RASAL2: variants seen among roughly 807,000 people sequenced by gnomAD.
The protein encoded by RASAL2 is RAS protein activator like 2.
In RASAL2, 58 loss-of-function variants were observed where a neutral mutation model predicts 128.9. The ratio of observed to expected loss-of-function variants is 0.45; its 90% confidence interval spans 0.36 to 0.56. RASAL2 has a LOEUF of 0.56. Ranked by LOEUF, RASAL2 falls within the 20% of genes least tolerant of loss-of-function variation. The probability of loss-of-function intolerance (pLI) is 0.00; values close to 1 mark genes in which losing one functional copy is unlikely to be tolerated. For synonymous variants in RASAL2, 561 were observed against 580.8 expected (o/e 0.97, Z 0.49); for missense variants, 1,360 against 1,601.6 (o/e 0.85, Z 2.57).
At chr1:178,207,150 CAAAA>C (rs11350533) in intron 1 of RASAL2, among the ~76,000 whole-genome samples, 17 of 120,876 alleles carry the variant, frequency 1.4e-4, no homozygotes, top group South Asian at 2.9e-4. Context: ...GACCTTGTCT[CAAAA>C]AAAAAAAAAA....
intron 1 of RASAL2, among the ~76,000 whole-genome samples, chr1:178,188,475 G>A (rs1662385239): frequency 6.6e-6 from 1 of 152,008 alleles, no homozygotes; most frequent in Admixed American, 6.6e-5. Context: ...ATTTTGTCTG[G>A]TTTTCTAGGT....
intron 1 of RASAL2, among the ~76,000 whole-genome samples, chr1:178,143,600 A>G (rs1341645083): frequency 6.6e-6 from 1 of 152,166 alleles, no homozygotes; most frequent in Non-Finnish European, 1.5e-5. Context: ...ATTATACCTA[A>G]AGAACCAAAT....
chr1:178,155,310 T>G (rs985669928), intron 1 of RASAL2, among the ~76,000 whole-genome samples: 2 of 152,162 alleles, frequency 1.3e-5, no homozygotes, highest in Non-Finnish European at 2.9e-5. Flanking sequence ...TCATCAAGTT[T>G]CATGCTCTTT....
intron 3 of RASAL2, among the ~76,000 whole-genome samples, chr1:178,355,998 A>T (rs906687496): frequency 3.3e-5 from 5 of 152,008 alleles, no homozygotes; most frequent in African/African-American, 4.8e-5. Flanking sequence ...GCGAAACCCC[A>T]TCTCTACTGA....
chr1:178,288,004 A>T (rs1022640331), intron 2 of RASAL2, among the ~76,000 whole-genome samples: 16 of 152,230 alleles, frequency 1.1e-4, no homozygotes, highest in African/African-American at 3.1e-4. Flanking sequence ...AATTTAAAAA[A>T]TATATAAGAC....
chr1:178,162,700 G>C (rs1661371262), intron 1 of RASAL2, among the ~76,000 whole-genome samples: 1 of 150,138 alleles, frequency 6.7e-6, no homozygotes, highest in Non-Finnish European at 1.5e-5. Context: ...TGATCCTCCT[G>C]CCTCAGCCTC....
intron 3 of RASAL2, among the ~76,000 whole-genome samples, chr1:178,317,219 T>A (rs925687910): frequency 7.5e-6 from 1 of 132,822 alleles, no homozygotes; most frequent in Non-Finnish European, 1.5e-5. Context: ...GATTTTTGCA[T>A]CAATGTTCAT....
intron 3 of RASAL2, among the ~76,000 whole-genome samples, chr1:178,320,891 A>G (rs1342397438): frequency 6.6e-6 from 1 of 152,234 alleles, no homozygotes; most frequent in African/African-American, 2.4e-5. Context: ...CCAAAATGGC[A>G]CACTTGAGTT....
At chr1:178,394,989 AT>A (rs922618365) in intron 4 of RASAL2, among the ~76,000 whole-genome samples, 8 of 152,210 alleles carry the variant, frequency 5.3e-5, no homozygotes, top group African/African-American at 1.9e-4. Flanking sequence ...CTCAGTTGCT[AT>A]TGGTTTCTGT....
At chr1:178,396,626 A>C (rs549632057) in intron 4 of RASAL2, among the ~76,000 whole-genome samples, 1 of 152,182 alleles carries the variant, frequency 6.6e-6, no homozygotes, top group Non-Finnish European at 1.5e-5. Flanking sequence ...GGTAAACAAT[A>C]ATACCCTTGG....
intron 3 of RASAL2, among the ~76,000 whole-genome samples, chr1:178,323,986 A>G (rs563479864): frequency 2.6e-5 from 4 of 152,334 alleles, no homozygotes; most frequent in African/African-American, 9.6e-5. Context: ...GGATACCTTT[A>G]CCAGTGACTG....
intron 1 of RASAL2, among the ~76,000 whole-genome samples, chr1:178,155,263 A>G (rs561833208): frequency 6.6e-6 from 1 of 152,280 alleles, no homozygotes; most frequent in South Asian, 2.1e-4. Flanking sequence ...TCTTGGACAT[A>G]CATATCATTC....
At chr1:178,309,254 A>G (rs1571829965) in intron 3 of RASAL2, among the ~76,000 whole-genome samples, 1 of 152,118 alleles carries the variant, frequency 6.6e-6, no homozygotes, top group South Asian at 2.1e-4. Flanking sequence ...AAATTTCCTT[A>G]AAATGTCATG....
chr1:178,393,307 C>G (rs1673021562), intron 4 of RASAL2, among the ~76,000 whole-genome samples: 2 of 151,926 alleles, frequency 1.3e-5, no homozygotes, highest in South Asian at 2.1e-4. Flanking sequence ...CACTGGGAAC[C>G]CTGAGTTTGT....
intron 5 of RASAL2, among the ~76,000 whole-genome samples, chr1:178,424,749 C>T (rs1572050419): frequency 6.6e-6 from 1 of 152,248 alleles, no homozygotes; most frequent in East Asian, 1.9e-4. Flanking sequence ...GTGTGAGCCA[C>T]CATGCACAGC....
At chr1:178,371,926 A>C (rs1671739985) in intron 3 of RASAL2, among the ~76,000 whole-genome samples, 1 of 151,976 alleles carries the variant, frequency 6.6e-6, no homozygotes, top group African/African-American at 2.4e-5. Flanking sequence ...AACACACTTC[A>C]TTATTCAGTG....
chr1:178,119,074 G>A (rs987715567), intron 1 of RASAL2, among the ~76,000 whole-genome samples: 2 of 152,102 alleles, frequency 1.3e-5, no homozygotes, highest in East Asian at 3.9e-4. Flanking sequence ...CACCATGTTG[G>A]CCAGGTTGGT....
intron 3 of RASAL2, among the ~76,000 whole-genome samples, chr1:178,327,698 T>C (rs958922824): frequency 6.6e-6 from 1 of 152,162 alleles, no homozygotes; most frequent in African/African-American, 2.4e-5. Flanking sequence ...AAAGACAACC[T>C]TGTTAGTTCT....
At chr1:178,458,571 G>A in intron 14 of RASAL2, 27 bp downstream of exon 14, 1 of 1,558,986 alleles carries the variant, frequency 6.4e-7, no homozygotes, top group Non-Finnish European at 8.7e-7. Context: ...AAGGGGCCTG[G>A]CTTCTACTTG....
Sources: allele counts gnomAD v4.1 joint callset (sites outside exome capture counted in the v4.1 genomes callset), GRCh38; gene constraint gnomAD v4.1.1; transcripts MANE v1.5; gene names NCBI Gene and HGNC (gene_info 2026-07-23, HGNC 2026-07-21).